Variants in MICU1 observed in about 807,000 individuals in gnomAD.
The protein encoded by MICU1 is mitochondrial calcium uptake 1, also known as calcium uptake protein 1, mitochondrial.
In MICU1, 45 loss-of-function variants were observed where a neutral mutation model predicts 56.8. The ratio of observed to expected loss-of-function variants is 0.79; its 90% CI spans 0.62 to 1.02. The LOEUF (loss-of-function observed/expected upper bound fraction) is 1.02. MICU1 is among the 50% of genes least tolerant of loss of function. The pLI is 0.00. For missense variants in MICU1, 504 were observed against 587.1 expected, an observed-to-expected ratio of 0.86 and a Z score of 1.46; for synonymous variants, 186 against 195.1, an observed-to-expected ratio of 0.95 and a Z score of 0.39.
Position 72,547,060 on chromosome 10 carries a change from T to C in MICU1, c.493+4119A>G, listed in dbSNP as rs566868409. On this transcript the variant is annotated intron_variant, in intron 4 of 11. Coordinates refer to ENST00000361114, the MANE Select transcript of MICU1 (RefSeq NM_001195518.2). The stretch of plus-strand genomic sequence containing the variant: ...GCGCTCGCCACCATGTCCAGCTAAT[T>C]TTTTTTGTATTTTTAGTACAGACGA... Among the ~76,000 whole-genome samples, 270 of 151,986 alleles carry C rather than the reference T, an allele frequency of 1.8e-3. 1 individual carries two copies. Among genetic ancestry groups the C allele is most frequent in the Non-Finnish European group, 3.1e-3 (209 of 67,960 alleles).
At chr10:72,452,898 A>G (rs1865342843) in intron 8 of MICU1, among the ~76,000 whole-genome samples, 1 of 151,588 alleles carries the variant, frequency 6.6e-6, no homozygotes, top group South Asian at 2.1e-4. Flanking sequence ...AGACGGACCT[A>G]GTGACTGCTG....
chr10:72,411,813 C>T (rs961851577), intron 9 of MICU1, among the ~76,000 whole-genome samples: 1 of 152,154 alleles, frequency 6.6e-6, no homozygotes, highest in African/African-American at 2.4e-5. Flanking sequence ...TCAAATACTA[C>T]AGCTCAAGAC....
chr10:72,605,677 T>A (rs1022300416), intron 1 of MICU1, among the ~76,000 whole-genome samples: 2 of 152,194 alleles, frequency 1.3e-5, no homozygotes, highest in Admixed American at 1.3e-4. Flanking sequence ...ATGAGTAGTT[T>A]AGAGATGATT....
intron 5 of MICU1, among the ~76,000 whole-genome samples, chr10:72,523,033 T>C (rs1386191495): frequency 6.6e-6 from 1 of 152,222 alleles, no homozygotes; most frequent in East Asian, 1.9e-4. Context: ...AGACTGGTGC[T>C]GTTTTGTCAC....
intron 11 of MICU1, among the ~76,000 whole-genome samples, chr10:72,369,095 T>C (rs1336490447): frequency 8.6e-5 from 13 of 151,856 alleles, no homozygotes; most frequent in Non-Finnish European, 1.3e-4. Context: ...CTAGACAATA[T>C]AGCGAGACCC....
chr10:72,399,233 G>C (rs1589171504), intron 10 of MICU1, among the ~76,000 whole-genome samples: 1 of 151,224 alleles, frequency 6.6e-6, no homozygotes, highest in African/African-American at 2.4e-5. Flanking sequence ...AACACCGCAT[G>C]TTCTCACTCA....
chr10:72,434,545 T>G (rs924015080), intron 8 of MICU1, among the ~76,000 whole-genome samples: 1 of 152,150 alleles, frequency 6.6e-6, no homozygotes, highest in African/African-American at 2.4e-5. Flanking sequence ...TGTTACATAC[T>G]TCTCTGAGAT....
At chr10:72,534,274 G>A (rs1044188126) in intron 4 of MICU1, among the ~76,000 whole-genome samples, 1 of 150,092 alleles carries the variant, frequency 6.7e-6, no homozygotes, top group Non-Finnish European at 1.5e-5. Flanking sequence ...TTTAAAATTA[G>A]GTTAAATTTA....
chr10:72,396,872 T>A (rs1254409884), intron 10 of MICU1, among the ~76,000 whole-genome samples: 1 of 152,122 alleles, frequency 6.6e-6, no homozygotes, highest in Non-Finnish European at 1.5e-5. Flanking sequence ...CAGGATATTA[T>A]CCAGGAGAAC....
intron 6 of MICU1, chr10:72,483,168 T>A (rs1866358950): frequency 6.6e-6 from 1 of 152,192 alleles, no homozygotes; most frequent in African/African-American, 2.4e-5. Context: ...TTTTCTCTAA[T>A]TCTAAAATAA....
chr10:72,551,750 A>AT (rs1189399176), intron 3 of MICU1, among the ~76,000 whole-genome samples: 1 of 151,904 alleles, frequency 6.6e-6, no homozygotes, highest in Non-Finnish European at 1.5e-5. Context: ...CTTTTTTTCT[A>AT]TTTTTTACAA....
chr10:72,547,215 T>C (rs1839918273), intron 4 of MICU1, among the ~76,000 whole-genome samples: 2 of 151,838 alleles, frequency 1.3e-5, no homozygotes, highest in Admixed American at 6.6e-5. Flanking sequence ...TTTACTTTTA[T>C]TTTTATAGAG....
intron 6 of MICU1, among the ~76,000 whole-genome samples, chr10:72,487,082 A>T (rs1866498403): frequency 6.6e-6 from 1 of 152,222 alleles, no homozygotes; most frequent in African/African-American, 2.4e-5. Context: ...ACAATGCCCC[A>T]AGGAAATCAG....
At chr10:72,605,965 T>C (rs967958036) in intron 1 of MICU1, among the ~76,000 whole-genome samples, 1 of 151,214 alleles carries the variant, frequency 6.6e-6, no homozygotes, top group South Asian at 2.1e-4. Flanking sequence ...ACCCTATCTC[T>C]ACTAAAAATA....
rs1442596077 is a variant in MICU1, at chr10:72,451,725, T to C, written c.933+23375A>G. ...ACTCAGCTAATTTTAAAATTTTTTA[T>C]AGAGACAGGGTCTCGCTTTGTTGCC... On this transcript the variant is annotated intron_variant, in intron 8 of 11. Transcript: ENST00000361114. Among the ~76,000 whole-genome samples, 4 of 152,072 alleles carry C rather than the reference T, an allele frequency of 2.6e-5. 1 individual carries two copies. The South Asian group carries it at 6.2e-4, about 24-fold the overall frequency.
At position 72,449,676 on chromosome 10, in the gene MICU1, T is replaced by G. The variant is rs188550334; in HGVS notation, c.933+25424A>C. On this transcript the variant is annotated intron_variant, in intron 8 of 11. Coordinates refer to ENST00000361114, the MANE Select transcript of MICU1 (RefSeq NM_001195518.2). ...CTTTAGTTTTTTTTTAAAAGCAACT[T>G]AAGAAACATAAACGATACTTCTCAA... 3.3e-4 allele frequency among the ~76,000 whole-genome samples: 50 copies of G among 152,302 alleles called. 1 individual carries two copies. The highest frequency in any genetic ancestry group is 1.7e-3 in the South Asian group (8 of 4,830).
intron 6 of MICU1, among the ~76,000 whole-genome samples, chr10:72,486,793 C>T (rs1866489234): frequency 6.6e-6 from 1 of 152,112 alleles, no homozygotes; most frequent in Non-Finnish European, 1.5e-5. Flanking sequence ...TACACATACA[C>T]ACGTGCACAA....
chr10:72,609,511 G>T (rs1458663373), intron 1 of MICU1, among the ~76,000 whole-genome samples: 1 of 152,130 alleles, frequency 6.6e-6, no homozygotes, highest in African/African-American at 2.4e-5. Context: ...GAGGCGGGCA[G>T]ATCACGAGGT....
At chr10:72,572,688 A>C (rs1318565104) in intron 1 of MICU1, among the ~76,000 whole-genome samples, 1 of 152,134 alleles carries the variant, frequency 6.6e-6, no homozygotes, top group African/African-American at 2.4e-5. Flanking sequence ...TTGGAAAAGA[A>C]AAATGGCTCC....
Sources: gnomAD v4.1 joint callset for allele counts (sites outside exome capture counted in the v4.1 genomes callset) on GRCh38, gnomAD v4.1.1 for gene constraint, MANE v1.5 for transcripts, NCBI Gene and HGNC (gene_info 2026-07-23, HGNC 2026-07-21) for gene names.